CNN3: variants seen among roughly 807,000 people sequenced by gnomAD.
CNN3 encodes the protein calponin-3.
CNN3 carries 11 observed loss-of-function variants against 39.0 expected under a neutral mutation model. That is an observed-to-expected ratio of 0.28 (90% CI 0.18 to 0.47). The LOEUF (loss-of-function observed/expected upper bound fraction) is 0.47, where lower values mean the gene tolerates loss of function less well. Ranked by LOEUF, CNN3 falls within the 20% of genes least tolerant of loss-of-function variation. CNN3 has a pLI of 0.99. For missense variants in CNN3, 266 were observed against 403.4 expected (o/e 0.66, Z 2.92); for synonymous variants, 101 against 138.3 (o/e 0.73, Z 1.89).
intron 1 of CNN3, among the ~76,000 whole-genome samples, chr1:94,905,081 G>C (rs547621649): frequency 1.3e-5 from 2 of 152,272 alleles, no homozygotes; most frequent in South Asian, 4.1e-4. Flanking sequence ...CATAGTGCCA[G>C]AGCATATAGG....
chr1:94,902,516 T>C (rs1670895335), intron 3 of CNN3, among the ~76,000 whole-genome samples: 1 of 152,216 alleles, frequency 6.6e-6, no homozygotes, highest in Admixed American at 6.5e-5. Context: ...GGGCAAGATC[T>C]TCCTTATATA....
At chr1:94,925,813 A>C in intron 1 of CNN3, 1 of 985,454 alleles carries the variant, frequency 1.0e-6, no homozygotes, top group Non-Finnish European at 1.2e-6. Flanking sequence ...CGCTTTGGCC[A>C]GAACAGCAGA....
At chr1:94,909,618 A>G (rs1671104074) in intron 1 of CNN3, among the ~76,000 whole-genome samples, 1 of 152,180 alleles carries the variant, frequency 6.6e-6, no homozygotes, top group South Asian at 2.1e-4. Context: ...CCGAGGGCCT[A>G]TGTGTCCTAA....
intron 1 of CNN3, among the ~76,000 whole-genome samples, chr1:94,912,457 C>T (rs548923328): frequency 9.9e-5 from 15 of 152,270 alleles, no homozygotes; most frequent in African/African-American, 3.4e-4. Context: ...CTGAAGAGCC[C>T]GGCAGGCGCC....
chr1:94,900,995 G>C (rs1348950051), intron 5 of CNN3, among the ~76,000 whole-genome samples: 2 of 152,110 alleles, frequency 1.3e-5, no homozygotes, highest in African/African-American at 4.8e-5. Context: ...CAAGGCAGGA[G>C]GACTGCTTGA....
intron 1 of CNN3, among the ~76,000 whole-genome samples, chr1:94,905,681 T>G (rs1670979406): frequency 6.6e-6 from 1 of 152,248 alleles, no homozygotes; most frequent in Non-Finnish European, 1.5e-5. Context: ...ATTTTCATAT[T>G]AAGACGACTA....
intron 1 of CNN3, among the ~76,000 whole-genome samples, chr1:94,915,463 A>T (rs1415893853): frequency 1.3e-5 from 2 of 152,184 alleles, no homozygotes; most frequent in East Asian, 3.9e-4. Flanking sequence ...GTCACAGGGG[A>T]CCCTCCACAT....
intron 1 of CNN3, among the ~76,000 whole-genome samples, chr1:94,909,768 CA>C (rs1671108793): frequency 6.6e-6 from 1 of 151,806 alleles, no homozygotes; most frequent in South Asian, 2.1e-4. Flanking sequence ...GACCTAGCTT[CA>C]AAAAGCACCT....
At chr1:94,905,396 A>T (rs1670970863) in intron 1 of CNN3, among the ~76,000 whole-genome samples, 1 of 152,048 alleles carries the variant, frequency 6.6e-6, no homozygotes, top group Admixed American at 6.5e-5. Context: ...AGCCTGAGAG[A>T]TCCCCTGGCA....
chr1:94,910,303 A>T (rs1671126373), intron 1 of CNN3, among the ~76,000 whole-genome samples: 1 of 152,238 alleles, frequency 6.6e-6, no homozygotes, highest in South Asian at 2.1e-4. Context: ...GTTCAAAGGC[A>T]AAGTCTCTGT....
Position 94,926,264 on chromosome 1 carries a change from C to G in CNN3, c.57+574G>C, listed in dbSNP as rs1671576399. Among the ~76,000 whole-genome samples, 1 of 152,244 alleles carries G rather than the reference C, an allele frequency of 6.6e-6. No homozygotes were observed. On this transcript the variant is annotated intron_variant, in intron 1 of 6. Coordinates refer to ENST00000370206, the MANE Select transcript of CNN3 (RefSeq NM_001839.5). The surrounding 1 kb of genome is among the most constrained non-coding windows in gnomAD (Gnocchi z 4.2). ...AGAAGCAGCAGCAGCAATCTGCCTC[C>G]AAATGCCTCCCAGGCACCGAGATCG... is the stretch of plus-strand genomic sequence containing the variant.
Position 94,917,447 on chromosome 1 carries a change from G to T in CNN3, c.57+9391C>A, listed in dbSNP as rs1671314784. Among the ~76,000 whole-genome samples, 7 of 152,240 alleles carry T rather than the reference G, an allele frequency of 4.6e-5. No individual in the cohort carries two copies. In the South Asian group the frequency reaches 1.5e-3, roughly 32 times the overall value. Reference sequence around the variant, plus strand: ...CTGCTGGGGACGAGGGATGGAGTAGGGATTACAGATGTCAATGACTCATGA... The same window carrying T: ...CTGCTGGGGACGAGGGATGGAGTAGTGATTACAGATGTCAATGACTCATGA... On this transcript the variant is annotated intron_variant, in intron 1 of 6. Transcript: ENST00000370206.
chr1:94,923,889 C>T (rs1235409016), intron 1 of CNN3, among the ~76,000 whole-genome samples: 1 of 152,090 alleles, frequency 6.6e-6, no homozygotes, highest in African/African-American at 2.4e-5. Flanking sequence ...ATTGTTTTCC[C>T]CCATTCTACA....
At chr1:94,898,335 T>C (rs565072257) in intron 6 of CNN3, among the ~76,000 whole-genome samples, 2 of 152,314 alleles carry the variant, frequency 1.3e-5, no homozygotes, top group South Asian at 4.1e-4. Context: ...CTATGTGGCC[T>C]CAAACACGTA....
Position 94,897,894 on chromosome 1 carries a change from C to A in CNN3, c.838G>T (p.Val280Phe), listed in dbSNP as rs147978281. 4.3e-5 allele frequency: 69 copies of A among 1,614,124 alleles called. No individual in the cohort carries two copies. The Middle Eastern group carries it at 1.3e-3, about 31-fold the overall frequency. Residue 280 changes from valine (V) to phenylalanine (F), a missense_variant, in exon 7 of 7, where the codon GTC (valine) becomes TTC (phenylalanine). Transcript: ENST00000370206. ...GTTCCTTGGCTTCCGTTGTGAATGA[C>A]AGGTTCTGTAGGAGCAGCACAGTAT... Reference protein sequence around the residue: ...PKYCAAPTEPVIHNGSQGTGT... With the variant: ...PKYCAAPTEPFIHNGSQGTGT...
intron 1 of CNN3, among the ~76,000 whole-genome samples, chr1:94,913,756 G>A (rs956225188): frequency 1.6e-4 from 25 of 152,322 alleles, no homozygotes; most frequent in Admixed American, 1.4e-3. Context: ...ATATAGAAGA[G>A]AGAGTTGATT....
intron 1 of CNN3, among the ~76,000 whole-genome samples, chr1:94,918,696 C>A (rs1347096734): frequency 6.6e-6 from 1 of 151,818 alleles, no homozygotes; most frequent in African/African-American, 2.4e-5. Context: ...GAGTTCAAAA[C>A]CATCCTGGCC....
rs202195002 is a variant in CNN3 at position 94,903,106 on chromosome 1, T to C, written c.246+16A>G. ...TGCAACCAACTAGAACCAGAGGTGG[T>C]TGGTTTGGCTGTTACCTGAGGCCAG... On this transcript the variant is annotated intron_variant, in intron 3 of 6. Transcript: ENST00000370206. 2.6e-6 allele frequency: 4 copies of C among 1,529,950 alleles called. No homozygotes were observed. The highest frequency in any genetic ancestry group is 1.3e-5 in the South Asian group (1 of 78,384). The allele number at this position is 1,529,950 out of a possible 1,614,324, so 94.8% of individuals were successfully genotyped here. A position where few individuals can be genotyped will look rare whatever the true frequency, so the allele number is the denominator to read the frequency against.
Position 94,902,113 on chromosome 1 carries a change from G to A in CNN3, c.384+8C>T, listed in dbSNP as rs2275613. On this transcript the variant is annotated splice_region_variant and intron_variant, in intron 4 of 6. Transcript: ENST00000370206. ...TCTGTTAACCAGCCATTAAAGACAT[G>A]TACGTACCAGACCTGCTAGAGCCAC... 158,999 of 1,605,550 alleles carry A rather than the reference G, an allele frequency of 0.099. 8,371 individuals are homozygous for A. Among genetic ancestry groups the A allele is most frequent in the Middle Eastern group, 0.12 (747 of 6,052 alleles).
Sources: allele counts gnomAD v4.1 joint callset (sites outside exome capture counted in the v4.1 genomes callset), GRCh38; gene constraint gnomAD v4.1.1; non-coding constraint Gnocchi (gnomAD v3.1); transcripts MANE v1.5; gene names NCBI Gene and HGNC (gene_info 2026-07-23, HGNC 2026-07-21).